GRIN1: variants seen among roughly 807,000 people sequenced by gnomAD.
GRIN1 encodes glutamate ionotropic receptor NMDA type subunit 1.
GRIN1 carries 38 observed loss-of-function variants against 103.0 expected under a neutral mutation model. That is an observed-to-expected ratio of 0.37 (90% CI 0.28 to 0.48). The LOEUF is 0.48. Ranked by LOEUF, GRIN1 falls within the 20% of genes least tolerant of loss-of-function variation. The probability of loss-of-function intolerance (pLI) is 0.98; values close to 1 mark genes in which losing one functional copy is unlikely to be tolerated. For missense variants in GRIN1, 577 were observed against 1,288.9 expected (o/e 0.45, Z 8.46); for synonymous variants, 544 against 532.7 (o/e 1.02, Z -0.29).
At chr9:137,153,410 C>T (rs1291666018) in intron 4 of GRIN1, among the ~76,000 whole-genome samples, 1 of 151,724 alleles carries the variant, frequency 6.6e-6, no homozygotes, top group Admixed American at 6.6e-5. Context: ...ATGCTCCATG[C>T]ATACACACAC....
At position 137,156,850 on chromosome 9, in the gene GRIN1, C is replaced by T; in HGVS notation, c.794-13C>T. The T allele has an allele frequency of 4.3e-6, 7 of 1,610,084 alleles. No individual in the cohort carries two copies. The highest frequency in any genetic ancestry group is 5.9e-6 in the Non-Finnish European group (7 of 1,178,796). ...GGAGGACCCCACGGGCTCTGAGTCGCATGCTCGCCTAGGCATCCTCGGGCT... is the reference window on the plus strand; with the variant it reads ...GGAGGACCCCACGGGCTCTGAGTCGTATGCTCGCCTAGGCATCCTCGGGCT... On this transcript the variant is annotated splice_polypyrimidine_tract_variant and intron_variant, in intron 5 of 19. Transcript: ENST00000371561.
chr9:137,163,311 G>A lies in GRIN1; in HGVS notation c.2314G>A (p.Val772Ile), dbSNP rs1060500045. 1.9e-6 allele frequency: 3 copies of A among 1,613,638 alleles called. No individual in the cohort carries two copies. The highest frequency in any genetic ancestry group is 2.5e-6 in the Non-Finnish European group (3 of 1,179,936). ...MRKDSPWKQN[V>I]SLSILKSHEN... is the part of the protein sequence containing the mutation. ...CAAAGACAGCCCCTGGAAGCAGAACGTCTCCCTGTCCATCCTCAAGTGAGT... is the reference window on the plus strand; with the variant it reads ...CAAAGACAGCCCCTGGAAGCAGAACATCTCCCTGTCCATCCTCAAGTGAGT... Residue 772 changes from valine (V) to isoleucine (I), a missense_variant, in exon 16 of 20, where the codon GTC becomes ATC. This residue lies in a region of GRIN1 where 59 missense variants were observed against 161.3 expected (regional missense o/e 0.37). Transcript: ENST00000371561.
At chr9:137,159,361 G>A (rs920422947) in intron 8 of GRIN1, among the ~76,000 whole-genome samples, 3 of 152,160 alleles carry the variant, frequency 2.0e-5, no homozygotes, top group South Asian at 4.1e-4. Flanking sequence ...ACCTTCTCTC[G>A]GTCATTCCAA....
At chr9:137,147,955 C>T (rs896551105) in intron 3 of GRIN1, among the ~76,000 whole-genome samples, 1 of 152,278 alleles carries the variant, frequency 6.6e-6, no homozygotes, top group African/African-American at 2.4e-5. Flanking sequence ...CTCCACGGCC[C>T]CGCCCCTACG....
At chr9:137,156,564 TG>T (rs1208654266) in intron 4 of GRIN1, 104 bp from the exon 5 acceptor site, 2 of 1,488,012 alleles carry the variant, frequency 1.3e-6, no homozygotes, top group Non-Finnish European at 1.8e-6. Context: ...TAGGAGGGGA[TG>T]GGGGCTGGGC....
chr9:137,155,433 G>A (rs1466917534), intron 4 of GRIN1, among the ~76,000 whole-genome samples: 2 of 152,242 alleles, frequency 1.3e-5, no homozygotes, highest in African/African-American at 4.8e-5. Flanking sequence ...GTTATGTAGA[G>A]CAAACACCGA....
At position 137,146,737 on chromosome 9, in the gene GRIN1, G is replaced by C. The variant is rs1389193930; in HGVS notation, c.570+835G>C. Among the ~76,000 whole-genome samples, 1 of 152,172 alleles carries C rather than the reference G, an allele frequency of 6.6e-6. No homozygotes were observed. Among genetic ancestry groups the C allele is most frequent in the Non-Finnish European group, 1.5e-5 (1 of 68,022 alleles). On this transcript the variant is annotated intron_variant, in intron 3 of 19. Transcript: ENST00000371561. The surrounding 1 kb of genome is among the most constrained non-coding windows in gnomAD (Gnocchi z 6.7). ...GGGCCAGCTCCTGATCAAGCAGTGGGAGGAGGCCCAGGCTGAGGAGGGCCA... is the reference window on the plus strand; with the variant it reads ...GGGCCAGCTCCTGATCAAGCAGTGGCAGGAGGCCCAGGCTGAGGAGGGCCA...
rs200377447 is a variant in GRIN1, at chr9:137,145,952, C to T, written c.570+50C>T. 9.7e-5 allele frequency: 133 copies of T among 1,371,264 alleles called. No homozygotes were observed. In the African/African-American group the frequency reaches 1.2e-3, roughly 13 times the overall value. 84.9% of individuals were successfully genotyped at this position (1,371,264 alleles called of 1,614,324 possible). On this transcript the variant is annotated intron_variant, in intron 3 of 19. Coordinates refer to ENST00000371561, the MANE Select transcript of GRIN1 (RefSeq NM_007327.4). Reference sequence around the variant, plus strand: ...CGCCTGGCGGAGCCGAGGTGCAGGACGGGCCGCCTTGTGTCTGTGGCTCCG... The same window carrying T: ...CGCCTGGCGGAGCCGAGGTGCAGGATGGGCCGCCTTGTGTCTGTGGCTCCG...
chr9:137,152,585 T>A (rs1230425762), intron 4 of GRIN1, among the ~76,000 whole-genome samples: 3 of 152,076 alleles, frequency 2.0e-5, no homozygotes, highest in Non-Finnish European at 4.4e-5. Flanking sequence ...TTTCTCCACT[T>A]TTTTTTCTCG....
At chr9:137,143,246 C>CA (rs1391660466) in intron 2 of GRIN1, among the ~76,000 whole-genome samples, 1 of 152,240 alleles carries the variant, frequency 6.6e-6, no homozygotes, top group Non-Finnish European at 1.5e-5. Flanking sequence ...GGGGTCGCCC[C>CA]AGCCAGGCCC....
intron 10 of GRIN1, 89 bp downstream of exon 10, chr9:137,161,505 C>T: frequency 2.4e-6 from 3 of 1,230,908 alleles, no homozygotes; most frequent in Non-Finnish European, 3.4e-6. Flanking sequence ...GCGGGGCTTG[C>T]AGATGGTGGG....
intron 3 of GRIN1, chr9:137,148,043 T>C: frequency 1.4e-6 from 1 of 689,844 alleles, no homozygotes; most frequent in Non-Finnish European, 2.4e-6. Flanking sequence ...TAGGAGCCCG[T>C]CTGCAGACGT....
intron 1 of GRIN1, among the ~76,000 whole-genome samples, chr9:137,140,994 C>A (rs1044048025): frequency 5.9e-5 from 9 of 152,196 alleles, no homozygotes; most frequent in Non-Finnish European, 1.3e-4. Context: ...GTCACATATT[C>A]CATCTGGGAC....
In GRIN1 at chr9:137,156,749, A is replaced by G; in HGVS notation, c.752A>G (p.Glu251Gly). Residue 251 changes from glutamate (E) to glycine (G), a missense_variant, in exon 5 of 20, where the codon GAG (glutamate) becomes GGG (glycine). Glu to Gly is a moderately conservative substitution (Grantham distance 98, BLOSUM62 -2). This residue lies in a region of GRIN1 where 308 missense variants were observed against 553.6 expected (regional missense o/e 0.56). Coordinates refer to ENST00000371561, the MANE Select transcript of GRIN1 (RefSeq NM_007327.4). ...TGSGYVWLVG[E>G]REISGNALRY... The stretch of plus-strand genomic sequence containing the variant: ...TCCGGGTACGTGTGGCTGGTCGGCG[A>G]GCGCGAGATCTCGGGGAACGCCCTG... The G allele has an allele frequency of 6.3e-7, 1 of 1,587,118 alleles. No individual in the cohort carries two copies. The highest frequency in any genetic ancestry group is 8.6e-7 in the Non-Finnish European group (1 of 1,168,332).
chr9:137,162,713 C>A lies in GRIN1; in HGVS notation c.1987C>A (p.Arg663Ser). The change falls in exon 14 of 20, where the codon CGC becomes AGC. Residue 663 changes from arginine to serine, a missense_variant. Arg to Ser is a moderately radical substitution (Grantham distance 110). Coordinates refer to ENST00000371561, the MANE Select transcript of GRIN1 (RefSeq NM_007327.4). ...AFLVLDRPEE[R>S]ITGINDPRLR... ...CCTGGTGCTGGACCGGCCGGAGGAG[C>A]GCATCACGGGCATCAACGACCCTCG... The A allele has an allele frequency of 6.2e-7, 1 of 1,606,618 alleles. No homozygotes were observed.
At chr9:137,161,231 C>G (rs778740079) in intron 9 of GRIN1, 34 bp downstream of exon 9, 1 of 1,607,942 alleles carries the variant, frequency 6.2e-7, no homozygotes, top group Non-Finnish European at 8.5e-7. Context: ...GGGCGCGGGG[C>G]AGGGCGCGGG....
rs1307853275 is a variant in GRIN1 at position 137,158,385 on chromosome 9, G to C, written c.975G>C (p.Leu325=). ...GCTATGCTTCCTTCCCTAGAGTGCT[G>C]ATGTCTTCCAAGTATGCGGATGGGG... is the stretch of plus-strand genomic sequence containing the variant. The part of the protein sequence containing the change: ...WKTGPLFKRV[L]MSSKYADGVT... Residue 325 remains leucine (L), a synonymous_variant, in exon 7 of 20, where the codon CTG becomes CTC. Transcript: ENST00000371561. The C allele has an allele frequency of 6.2e-7, 1 of 1,613,508 alleles. No individual in the cohort carries two copies. The highest frequency in any genetic ancestry group is 1.7e-5 in the Admixed American group (1 of 60,020).
intron 4 of GRIN1, among the ~76,000 whole-genome samples, chr9:137,149,331 A>G (rs1371919792): frequency 7.1e-6 from 1 of 139,984 alleles, no homozygotes; most frequent in East Asian, 2.1e-4. Context: ...GCCCTTCCCC[A>G]TTCCACAGTC....
intron 8 of GRIN1, among the ~76,000 whole-genome samples, chr9:137,160,419 G>C (rs907102149): frequency 2.6e-5 from 4 of 152,006 alleles, no homozygotes; most frequent in Admixed American, 1.3e-4. Context: ...CGGCTCCTCT[G>C]CTGGAGGGAA....
Sources: gnomAD v4.1 joint callset for allele counts (sites outside exome capture counted in the v4.1 genomes callset) on GRCh38, gnomAD v4.1.1 for gene constraint, gnomAD v4.1.1 regional missense constraint, Gnocchi (gnomAD v3.1) non-coding constraint, MANE v1.5 for transcripts, NCBI Gene and HGNC (gene_info 2026-07-23, HGNC 2026-07-21) for gene names.